Variants in ARSG observed in about 807,000 individuals in gnomAD.
ARSG encodes ASG.
In ARSG, 37 loss-of-function variants were observed where a neutral mutation model predicts 50.5. That is an observed-to-expected ratio of 0.73 (90% CI 0.56 to 0.96). The LOEUF (loss-of-function observed/expected upper bound fraction) is 0.96, where lower values mean the gene tolerates loss of function less well. Among genes scored for constraint, ARSG ranks in the 50% least tolerant of loss-of-function variants. ARSG has a pLI of 0.00. For synonymous variants in ARSG, 225 were observed against 254.6 expected (o/e 0.88, Z 1.11); for missense variants, 629 against 675.3 (o/e 0.93, Z 0.76).
At chr17:68,443,786 G>A in the ARSG span, among the ~76,000 whole-genome samples, 5 of 152,210 alleles carry the variant, frequency 3.3e-5, no homozygotes, top group Non-Finnish European at 7.3e-5. Flanking sequence ...AATATAATCT[G>A]CAAATATTAA....
chr17:68,331,352 C>G (rs1009746452), intron 2 of ARSG, among the ~76,000 whole-genome samples: 2 of 151,900 alleles, frequency 1.3e-5, no homozygotes, highest in Non-Finnish European at 2.9e-5. Flanking sequence ...TCATGCCATT[C>G]TCCTGCCTCA....
chr17:68,381,015 T>C lies in ARSG; in HGVS notation c.983-4049T>C, dbSNP rs956584199. ...GAATCAGAGCCCCACCCCAGACTTA[T>C]TAAATTAGAATTCCTGGGAATAGGA... On this transcript the variant is annotated intron_variant, in intron 8 of 11. Coordinates refer to ENST00000621439, the MANE Select transcript of ARSG (RefSeq NM_001267727.2). The surrounding 1 kb of genome is among the most constrained non-coding windows in gnomAD (Gnocchi z 4.1). Among the ~76,000 whole-genome samples the C allele has an allele frequency of 9.2e-5, 14 of 152,200 alleles. No homozygotes were observed. Among genetic ancestry groups the C allele is most frequent in the African/African-American group, 3.4e-4 (14 of 41,450 alleles).
the ARSG span, among the ~76,000 whole-genome samples, chr17:68,441,823 T>C: frequency 6.6e-6 from 1 of 152,194 alleles, no homozygotes; most frequent in African/African-American, 2.4e-5. Context: ...GTGATAATTA[T>C]AAACGTGAGC....
the ARSG span, chr17:68,436,357 C>T: frequency 6.2e-7 from 1 of 1,610,336 alleles, no homozygotes; most frequent in African/African-American, 1.3e-5. Flanking sequence ...GGTGGGTTGG[C>T]TCAGCCAGGT....
At chr17:68,373,492 G>A (rs1202272340) in intron 8 of ARSG, among the ~76,000 whole-genome samples, 1 of 152,128 alleles carries the variant, frequency 6.6e-6, no homozygotes, top group Non-Finnish European at 1.5e-5. Flanking sequence ...GCCTTCCAAA[G>A]TGCTGGGATT....
intron 3 of ARSG, 76 bp downstream of exon 3, chr17:68,343,867 T>A: frequency 7.1e-7 from 1 of 1,408,870 alleles, no homozygotes. Context: ...CCCAACATAC[T>A]CCCTGTCTGC....
chr17:68,320,630 A>C (rs1196579924), intron 2 of ARSG, among the ~76,000 whole-genome samples: 3 of 152,162 alleles, frequency 2.0e-5, no homozygotes, highest in Non-Finnish European at 4.4e-5. Context: ...CATCTGGTAC[A>C]GTGTGTCATA....
intron 8 of ARSG, among the ~76,000 whole-genome samples, chr17:68,372,915 A>G (rs1490401230): frequency 4.2e-5 from 5 of 119,430 alleles, no homozygotes; most frequent in Admixed American, 1.0e-4. Context: ...TTTTTGAGAC[A>G]GAGTCCCACT....
At chr17:68,267,984 C>G (rs1290064297) in intron 1 of ARSG, 2 of 152,142 alleles carry the variant, frequency 1.3e-5, no homozygotes, top group Non-Finnish European at 2.9e-5. Flanking sequence ...TAATTCTGAT[C>G]AAAGAAGTTC....
intron 1 of ARSG, among the ~76,000 whole-genome samples, chr17:68,284,785 T>C (rs1277370291): frequency 2.6e-5 from 4 of 152,148 alleles, no homozygotes; most frequent in Admixed American, 2.6e-4. Flanking sequence ...CGGCTAAATA[T>C]TTGGTTGATT....
intron 1 of ARSG, among the ~76,000 whole-genome samples, chr17:68,281,168 T>C (rs1381670497): frequency 1.3e-5 from 2 of 148,608 alleles, no homozygotes. Context: ...CACAGAAGGG[T>C]AGACAATATT....
At chr17:68,262,128 C>G (rs1332144666) in intron 1 of ARSG, among the ~76,000 whole-genome samples, 14 of 142,542 alleles carry the variant, frequency 9.8e-5, no homozygotes, top group Non-Finnish European at 1.5e-4. Context: ...TGCACTCCAG[C>G]GTGGGTGACA....
chr17:68,435,876 G>C, the ARSG span, among the ~76,000 whole-genome samples: 1 of 152,156 alleles, frequency 6.6e-6, no homozygotes, highest in African/African-American at 2.4e-5. Context: ...TCATTTTCTG[G>C]TGAATCAAGA....
At chr17:68,437,948 T>TAAA in the ARSG span, among the ~76,000 whole-genome samples, 4 of 78,800 alleles carry the variant, frequency 5.1e-5, no homozygotes, top group South Asian at 5.6e-4. Context: ...ACATCTCTCT[T>TAAA]AAAAAAAAAA....
chr17:68,425,397 T>G (rs1295981128), downstream of ARSG, among the ~76,000 whole-genome samples: 1 of 150,884 alleles, frequency 6.6e-6, no homozygotes, highest in African/African-American at 2.4e-5. Flanking sequence ...TTTTTTTTTT[T>G]TTTGGTGGAG....
Position 68,395,069 on chromosome 17 carries a change from G to C in ARSG, c.1092-4G>C, listed in dbSNP as rs371276258. On this transcript the variant is annotated splice_polypyrimidine_tract_variant and splice_region_variant and intron_variant, in intron 9 of 11. Coordinates refer to ENST00000621439, the MANE Select transcript of ARSG (RefSeq NM_001267727.2). ...GGGACAACTCAGTCTTGTTATTTCC[G>C]CAGCGTGCTGGACATTTTTCCAACT... 7 of 1,613,582 alleles carry C rather than the reference G, an allele frequency of 4.3e-6. 1 individual carries two copies. The South Asian group carries it at 5.5e-5, about 13-fold the overall frequency.
chr17:68,320,749 G>T lies in ARSG; in HGVS notation c.218+13038G>T, dbSNP rs1555770292. ...GAGATGGGATTTTCCAGCTTACCAG[G>T]ATGGCCCACCTGGGTGGCTGGAAGG... On this transcript the variant is annotated intron_variant, in intron 2 of 11. Coordinates refer to ENST00000621439, the MANE Select transcript of ARSG (RefSeq NM_001267727.2). 1.3e-5 allele frequency among the ~76,000 whole-genome samples: 2 copies of T among 152,168 alleles called. 1 individual carries two copies. Among genetic ancestry groups the T allele is most frequent in the Non-Finnish European group, 2.9e-5 (2 of 68,030 alleles).
At chr17:68,450,521 G>A in the ARSG span, among the ~76,000 whole-genome samples, 8 of 152,240 alleles carry the variant, frequency 5.3e-5, no homozygotes, top group African/African-American at 9.6e-5. Flanking sequence ...CTGGAAACAT[G>A]AGCCAGAGGT....
chr17:68,448,783 G>A, the ARSG span, among the ~76,000 whole-genome samples: 7 of 152,292 alleles, frequency 4.6e-5, no homozygotes, highest in South Asian at 2.1e-4. Context: ...GTTTAGCAGC[G>A]AAACTTAATC....
Sources: allele counts gnomAD v4.1 joint callset (sites outside exome capture counted in the v4.1 genomes callset), GRCh38; gene constraint gnomAD v4.1.1; non-coding constraint Gnocchi (gnomAD v3.1); transcripts MANE v1.5; gene names NCBI Gene and HGNC (gene_info 2026-07-23, HGNC 2026-07-21).